The following EHMT1 variants were observed in gnomAD, a reference collection of about 807,000 sequenced individuals.
EHMT1 encodes the protein euchromatic histone lysine methyltransferase 1.
EHMT1 carries 15 observed loss-of-function variants against 147.2 expected under a neutral mutation model. The observed-to-expected ratio is 0.10, with a 90% CI of 0.07 to 0.16. EHMT1 has a LOEUF of 0.16. Among genes scored for constraint, EHMT1 ranks in the 10% least tolerant of loss-of-function variants. The pLI is 1.00. For missense variants in EHMT1, 1,587 were observed against 1,772.4 expected, an observed-to-expected ratio of 0.90 and a Z score of 1.88; for synonymous variants, 795 against 709.6, an observed-to-expected ratio of 1.12 and a Z score of -1.91.
chr9:137,804,676 C>T (rs1374809558), intron 18 of EHMT1, among the ~76,000 whole-genome samples: 1 of 152,152 alleles, frequency 6.6e-6, no homozygotes, highest in Non-Finnish European at 1.5e-5. Flanking sequence ...AGATATTCTC[C>T]CACATTTTCT....
In EHMT1 at chr9:137,804,091, G is replaced by A. The variant is rs113543282; in HGVS notation, c.2712+3107G>A. 5.6e-3 allele frequency among the ~76,000 whole-genome samples: 858 copies of A among 152,272 alleles called. 8 individuals are homozygous for A. Among genetic ancestry groups the A allele is most frequent in the African/African-American group, 0.019 (807 of 41,554 alleles). On this transcript the variant is annotated intron_variant, in intron 18 of 26. Transcript: ENST00000460843. ...GTGGCAGGAGAGATTGAGGAGCATT[G>A]TACCACACTTTAAAACCAGCTCTTG... is the stretch of plus-strand genomic sequence containing the variant.
chr9:137,804,505 T>G (rs1328791691), intron 18 of EHMT1, among the ~76,000 whole-genome samples: 4 of 152,250 alleles, frequency 2.6e-5, no homozygotes, highest in African/African-American at 9.6e-5. Flanking sequence ...GTTCTGGATA[T>G]AAGTCCTTTA....
Position 137,828,872 on chromosome 9 carries a change from C to T in EHMT1, c.3541-5477C>T, listed in dbSNP as rs1044799478. 6.6e-6 allele frequency among the ~76,000 whole-genome samples: 1 copy of T among 152,150 alleles called. No individual in the cohort carries two copies. Among genetic ancestry groups the T allele is most frequent in the Admixed American group, 6.5e-5 (1 of 15,286 alleles). On this transcript the variant is annotated intron_variant, in intron 25 of 26. Coordinates refer to ENST00000460843, the MANE Select transcript of EHMT1 (RefSeq NM_024757.5). This position sits in a 1 kb window ranked among gnomAD's most constrained non-coding sequence, Gnocchi z 5.3. ...GGAGAGCTGCCGCCTCTGTGCCTCC[C>T]CTCCTGCTTGCTGCGTGGGGGCTTG...
rs371370370 is a variant in EHMT1, at chr9:137,716,621, G to A, written c.86-5G>A. 8.4e-6 allele frequency: 13 copies of A among 1,548,500 alleles called. No individual in the cohort carries two copies. Among genetic ancestry groups the A allele is most frequent in the African/African-American group, 1.4e-5 (1 of 72,882 alleles). ...AGTCAGTGACACTCGTTTCTTTGTT[G>A]GCAGAGACACCTATGGCTGCCGATG... On this transcript the variant is annotated splice_polypyrimidine_tract_variant and splice_region_variant and intron_variant, in intron 2 of 26. Transcript: ENST00000460843.
intron 25 of EHMT1, among the ~76,000 whole-genome samples, chr9:137,820,779 TATCA>T (rs1466696950): frequency 6.6e-5 from 10 of 152,268 alleles, no homozygotes; most frequent in Admixed American, 3.9e-4. Context: ...GTCCTCGTCC[TATCA>T]ATCAGTCTGC....
At chr9:137,742,643 C>G (rs905769846) in intron 4 of EHMT1, among the ~76,000 whole-genome samples, 1 of 152,198 alleles carries the variant, frequency 6.6e-6, no homozygotes, top group Non-Finnish European at 1.5e-5. Flanking sequence ...GCCCCTTCCT[C>G]GCTGCTGCTC....
intron 10 of EHMT1, chr9:137,763,084 G>A: frequency 3.3e-6 from 2 of 609,988 alleles, no homozygotes; most frequent in East Asian, 2.7e-5. Flanking sequence ...TCTTTTTTAT[G>A]ATCATGGTTT....
chr9:137,734,450 AAAC>A (rs1349975476), intron 4 of EHMT1, among the ~76,000 whole-genome samples: 1 of 152,226 alleles, frequency 6.6e-6, no homozygotes, highest in East Asian at 1.9e-4. Flanking sequence ...TTTGAGAAGC[AAAC>A]AACAAGACTG....
intron 1 of EHMT1, among the ~76,000 whole-genome samples, chr9:137,681,862 G>C (rs533924257): frequency 6.6e-6 from 1 of 152,318 alleles, no homozygotes; most frequent in South Asian, 2.1e-4. Context: ...AAAGTTTGCA[G>C]TGTGTCTGGT....
In EHMT1 at chr9:137,834,851, C is replaced by T. The variant is rs770627068; in HGVS notation, c.3795C>T (p.His1265=). 4.3e-6 allele frequency: 7 copies of T among 1,612,138 alleles called. No homozygotes were observed. The highest frequency in any genetic ancestry group is 5.9e-6 in the Non-Finnish European group (7 of 1,179,580). ...GCTGCGGCTCCCCCAAGTGCCGGCA[C>T]TCGAGCGCGGCCCTGGCCCAGCGTC... is the stretch of plus-strand genomic sequence containing the variant. ...SCRCGSPKCR[H]SSAALAQRQA... is the part of the protein sequence containing the mutation. Residue 1265 remains histidine, a synonymous_variant, in exon 27 of 27, where the codon CAC becomes CAT. Coordinates refer to ENST00000460843, the MANE Select transcript of EHMT1 (RefSeq NM_024757.5).
intron 3 of EHMT1, among the ~76,000 whole-genome samples, chr9:137,723,329 G>T (rs970230474): frequency 7.6e-6 from 1 of 131,670 alleles, no homozygotes; most frequent in Admixed American, 7.3e-5. Context: ...TGAGCCCGGG[G>T]TGTGTCTGTG....
intron 3 of EHMT1, among the ~76,000 whole-genome samples, chr9:137,721,587 CCTCTCACCGTCACCCTCTCCTACAT>C (rs1232004265): frequency 6.9e-6 from 1 of 145,162 alleles, no homozygotes; most frequent in South Asian, 2.3e-4. Flanking sequence ...CTCTCCCACG[CCTCTCACCGTCACCCTCTCCTACAT>C]CTCTCACCCT....
rs969758082 is a variant in EHMT1, at chr9:137,813,834, G to A, written c.3180+304G>A. ...CACTCAGGGGCCCCGGTGTGGCTTC[G>A]TGCTGGGGGCACAGGCGAGAGGAGC... On this transcript the variant is annotated intron_variant, in intron 21 of 26. Coordinates refer to ENST00000460843, the MANE Select transcript of EHMT1 (RefSeq NM_024757.5). The surrounding 1 kb of genome is among the most constrained non-coding windows in gnomAD (Gnocchi z 4.9). Among the ~76,000 whole-genome samples the A allele has an allele frequency of 5.3e-5, 8 of 152,116 alleles. No homozygotes were observed. Among genetic ancestry groups the A allele is most frequent in the Admixed American group, 2.6e-4 (4 of 15,280 alleles).
At chr9:137,716,462 GGGGAGGAAGTTGTGTTGGTGTCATGGT>G in intron 2 of EHMT1, among the ~76,000 whole-genome samples, 137 bp from the exon 3 acceptor site, 4 of 71,122 alleles carry the variant, frequency 5.6e-5, no homozygotes, top group African/African-American at 3.2e-4. Context: ...TGTCATGGTG[GGGGAGGAAGTTGTGTTGGTGTCATGGT>G]GGGGGAGGAA....
chr9:137,640,962 G>A (rs1489346951), intron 1 of EHMT1: 4 of 164,962 alleles, frequency 2.4e-5, no homozygotes, highest in Non-Finnish European at 5.2e-5. Flanking sequence ...ACTGGAGACA[G>A]CTTTAAAAAA....
At chr9:137,709,816 C>T (rs561288879) in intron 1 of EHMT1, among the ~76,000 whole-genome samples, 1 of 152,292 alleles carries the variant, frequency 6.6e-6, no homozygotes, top group South Asian at 2.1e-4. Context: ...GTGCCTCCCT[C>T]AGTTGTTCCT....
At chr9:137,784,356 G>T (rs1168603573) in intron 15 of EHMT1, 2 of 1,272,802 alleles carry the variant, frequency 1.6e-6, no homozygotes, top group Non-Finnish European at 2.0e-6. Flanking sequence ...CCTCATTGGG[G>T]CCCCCAGCCC....
chr9:137,827,063 T>C (rs879322040), intron 25 of EHMT1, among the ~76,000 whole-genome samples: 1 of 152,196 alleles, frequency 6.6e-6, no homozygotes, highest in African/African-American at 2.4e-5. Flanking sequence ...TTCACACCTG[T>C]TCCATGGCAT....
chr9:137,804,279 C>T (rs1953747755), intron 18 of EHMT1, among the ~76,000 whole-genome samples: 1 of 152,230 alleles, frequency 6.6e-6, no homozygotes, highest in Non-Finnish European at 1.5e-5. Context: ...CTTCCCAACA[C>T]TTAGCATGGT....
Sources: gnomAD v4.1 joint callset for allele counts (sites outside exome capture counted in the v4.1 genomes callset) on GRCh38, gnomAD v4.1.1 for gene constraint, Gnocchi (gnomAD v3.1) non-coding constraint, MANE v1.5 for transcripts, NCBI Gene and HGNC (gene_info 2026-07-23, HGNC 2026-07-21) for gene names.